Variants in SYNDIG1 observed in about 807,000 individuals in gnomAD.
SYNDIG1 encodes the protein synapse differentiation-inducing gene protein 1.
In SYNDIG1, 9 loss-of-function variants were observed where a neutral mutation model predicts 19.4. The ratio of observed to expected loss-of-function variants is 0.46; its 90% CI spans 0.28 to 0.81. SYNDIG1 has a LOEUF of 0.81. SYNDIG1 is among the 30% of genes least tolerant of loss of function. The probability of loss-of-function intolerance (pLI) is 0.12; values close to 1 mark genes in which losing one functional copy is unlikely to be tolerated. For missense variants in SYNDIG1, 311 were observed against 343.3 expected (o/e 0.91, Z 0.74); for synonymous variants, 141 against 145.9 (o/e 0.97, Z 0.24).
At chr20:24,581,168 C>T (rs1273210826) in intron 2 of SYNDIG1, among the ~76,000 whole-genome samples, 3 of 152,086 alleles carry the variant, frequency 2.0e-5, no homozygotes, top group African/African-American at 4.8e-5. Flanking sequence ...GCCCTGGGTG[C>T]GCAGCTGGCA....
At chr20:24,479,246 G>A (rs558207536) in intron 1 of SYNDIG1, among the ~76,000 whole-genome samples, 45 of 152,208 alleles carry the variant, frequency 3.0e-4, no homozygotes, top group African/African-American at 9.6e-4. Context: ...TGGGAGCCCC[G>A]TCCTGATGGG....
At chr20:24,584,806 T>C (rs1261031895) in intron 2 of SYNDIG1, 50 bp from the exon 3 acceptor site, 1 of 1,612,890 alleles carries the variant, frequency 6.2e-7, no homozygotes, top group Non-Finnish European at 8.5e-7. Context: ...CCAGGATGAC[T>C]CCTTTATTAA....
chr20:24,542,667 C>G (rs2057490423), intron 1 of SYNDIG1, among the ~76,000 whole-genome samples: 2 of 152,174 alleles, frequency 1.3e-5, no homozygotes, highest in Admixed American at 6.5e-5. Flanking sequence ...GTTCTGTTTT[C>G]CTATGGACTT....
At chr20:24,488,953 G>T (rs942634952) in intron 1 of SYNDIG1, among the ~76,000 whole-genome samples, 2 of 152,158 alleles carry the variant, frequency 1.3e-5, no homozygotes, top group Admixed American at 1.3e-4. Context: ...TGTTCTATGT[G>T]AAAAGCCTCT....
At chr20:24,533,341 C>G (rs1176235055) in intron 1 of SYNDIG1, among the ~76,000 whole-genome samples, 1 of 152,110 alleles carries the variant, frequency 6.6e-6, no homozygotes, top group Non-Finnish European at 1.5e-5. Context: ...CAGATATTTA[C>G]CCCCTTCTCC....
chr20:24,516,640 A>T (rs1254983721), intron 1 of SYNDIG1, among the ~76,000 whole-genome samples: 6 of 152,216 alleles, frequency 3.9e-5, no homozygotes, highest in Non-Finnish European at 1.5e-5. Context: ...ACTAGTTAGA[A>T]TGGTGATCAT....
intron 1 of SYNDIG1, among the ~76,000 whole-genome samples, chr20:24,518,726 G>A (rs563090668): frequency 6.6e-6 from 1 of 152,330 alleles, no homozygotes; most frequent in African/African-American, 2.4e-5. Flanking sequence ...GGCCATCACA[G>A]AGGACGTATC....
chr20:24,544,211 C>T (rs1441582486), intron 2 of SYNDIG1, among the ~76,000 whole-genome samples: 1 of 152,184 alleles, frequency 6.6e-6, no homozygotes, highest in Admixed American at 6.5e-5. Context: ...GTGTGGTAGG[C>T]ACAGTGGTTG....
chr20:24,581,656 G>A (rs1330568499), intron 2 of SYNDIG1, among the ~76,000 whole-genome samples: 7 of 152,118 alleles, frequency 4.6e-5, no homozygotes, highest in East Asian at 3.9e-4. Flanking sequence ...GAGGTGCAGC[G>A]GGGCAGATAC....
chr20:24,601,808 C>T lies in SYNDIG1; in HGVS notation c.618+16815C>T, dbSNP rs188679762. On this transcript the variant is annotated intron_variant, in intron 3 of 3. Transcript: ENST00000376862. ...GAATGATACCCTTCTGCCTAAAGAA[C>T]ATCCTTTAGAATTTCCTTTAGAGTG... Among the ~76,000 whole-genome samples the T allele has an allele frequency of 3.3e-5, 5 of 152,270 alleles. No homozygotes were observed. In the East Asian group the frequency reaches 9.6e-4, roughly 29 times the overall value.
chr20:24,635,509 C>T (rs1489282089), intron 3 of SYNDIG1, among the ~76,000 whole-genome samples: 1 of 152,194 alleles, frequency 6.6e-6, no homozygotes, highest in Non-Finnish European at 1.5e-5. Flanking sequence ...CTTATCCCAG[C>T]GGACACCAAG....
chr20:24,487,233 T>C (rs1449053789), intron 1 of SYNDIG1, among the ~76,000 whole-genome samples: 1 of 152,206 alleles, frequency 6.6e-6, no homozygotes, highest in Non-Finnish European at 1.5e-5. Context: ...TCAAGAAATA[T>C]AATATGCTTA....
At chr20:24,613,999 A>G (rs1256565506) in intron 3 of SYNDIG1, among the ~76,000 whole-genome samples, 1 of 152,052 alleles carries the variant, frequency 6.6e-6, no homozygotes, top group Non-Finnish European at 1.5e-5. Flanking sequence ...TCACTCTCAG[A>G]TCTTTTGTTC....
In SYNDIG1 at chr20:24,636,195, T is replaced by A. The variant is rs145074687; in HGVS notation, c.619-29151T>A. On this transcript the variant is annotated intron_variant, in intron 3 of 3. Transcript: ENST00000376862. ...GTACTTCAATTTTCATGAGAAAGCT[T>A]AACTTCTTTTCATCATGCATAAGTT... Among the ~76,000 whole-genome samples the A allele has an allele frequency of 5.4e-3, 828 of 152,340 alleles. 12 individuals are homozygous for A. The highest frequency in any genetic ancestry group is 0.019 in the African/African-American group (787 of 41,574).
At chr20:24,479,667 A>G (rs2055740274) in intron 1 of SYNDIG1, among the ~76,000 whole-genome samples, 1 of 152,100 alleles carries the variant, frequency 6.6e-6, no homozygotes, top group African/African-American at 2.4e-5. Flanking sequence ...TTGGCCCCAT[A>G]TGCACACTCA....
rs372915596 is a variant in SYNDIG1, at chr20:24,511,421, T to C, written c.-78-31599T>C. On this transcript the variant is annotated intron_variant, in intron 1 of 3. Transcript: ENST00000376862. ...TAGAACTTTCCCAGCACCAGGCCAA[T>C]GGGACCACCCCATGTTTTCCCTCAC... 5.3e-5 allele frequency among the ~76,000 whole-genome samples: 8 copies of C among 152,320 alleles called. No individual in the cohort carries two copies. In the East Asian group the frequency reaches 1.2e-3, roughly 22 times the overall value.
intron 3 of SYNDIG1, among the ~76,000 whole-genome samples, chr20:24,613,728 C>T (rs550401803): frequency 5.9e-5 from 9 of 152,332 alleles, no homozygotes; most frequent in East Asian, 1.9e-4. Flanking sequence ...TGCAGCTCTT[C>T]TCCTGCTACA....
chr20:24,543,160 G>A lies in SYNDIG1; in HGVS notation c.63G>A (p.Lys21=). Residue 21 remains lysine (K), a synonymous_variant, in exon 2 of 4, where the codon AAG becomes AAA. Transcript: ENST00000376862. ...ACAGTAAAATCAGTGATGCTGGCAAGAGGAATGGTTTAATTAACACCAGAA... is the reference window on the plus strand; with the variant it reads ...ACAGTAAAATCAGTGATGCTGGCAAAAGGAATGGTTTAATTAACACCAGAA... ...LVHSKISDAG[K]RNGLINTRNL... is the part of the protein sequence containing the mutation. The A allele has an allele frequency of 6.2e-7, 1 of 1,614,132 alleles. No individual in the cohort carries two copies. Among genetic ancestry groups the A allele is most frequent in the South Asian group, 1.1e-5 (1 of 91,070 alleles).
chr20:24,575,781 A>G (rs1242057283), intron 2 of SYNDIG1, among the ~76,000 whole-genome samples: 1 of 152,200 alleles, frequency 6.6e-6, no homozygotes. Flanking sequence ...TGAATGATGC[A>G]TTGACTCGCT....
Sources: allele counts gnomAD v4.1 joint callset (sites outside exome capture counted in the v4.1 genomes callset), GRCh38; gene constraint gnomAD v4.1.1; transcripts MANE v1.5; gene names NCBI Gene and HGNC (gene_info 2026-07-23, HGNC 2026-07-21).